VIT: variants seen among roughly 807,000 people sequenced by gnomAD.
The protein encoded by VIT is vitrin.
A neutral mutation model predicts 78.0 loss-of-function variants in VIT; 99 were observed. That is an observed-to-expected ratio of 1.27 (90% CI 1.08 to 1.50). The LOEUF is 1.50. Among genes scored for constraint, VIT ranks in the 40% most tolerant of loss-of-function variants. The pLI is 0.00. For missense variants in VIT, 1,126 were observed against 875.3 expected (o/e 1.29, Z -3.61); for synonymous variants, 374 against 334.3 (o/e 1.12, Z -1.29).
chr2:36,775,012 G>T lies in VIT; in HGVS notation c.747G>T (p.Arg249Ser), dbSNP rs1186587843. The change falls in exon 9 of 16, where the codon AGG becomes AGT. Residue 249 changes from arginine (R) to serine (S), a missense_variant. Coordinates refer to ENST00000379242, the MANE Select transcript of VIT (RefSeq NM_053276.4). ...GTGTAATCCCCTCAGGTATCCAAAG[G>T]CAAGATCCTTCAGGAGCTGCCTTCC... is the stretch of plus-strand genomic sequence containing the variant. ...NRPRADPGIQ[R>S]QDPSGAAFQK... is the part of the protein sequence containing the mutation. 2 of 1,614,150 alleles carry T rather than the reference G, an allele frequency of 1.2e-6. No homozygotes were observed. Among genetic ancestry groups the T allele is most frequent in the Non-Finnish European group, 1.7e-6 (2 of 1,180,020 alleles).
chr2:36,751,807 A>C (rs1668482047), intron 4 of VIT, among the ~76,000 whole-genome samples: 1 of 152,210 alleles, frequency 6.6e-6, no homozygotes, highest in African/African-American at 2.4e-5. Context: ...TGACTGATAT[A>C]GTGGAAAATC....
At chr2:36,786,601 C>A (rs767669731) in intron 11 of VIT, among the ~76,000 whole-genome samples, 1 of 152,202 alleles carries the variant, frequency 6.6e-6, no homozygotes, top group African/African-American at 2.4e-5. Flanking sequence ...TAGATAATTT[C>A]TTTGGTTCCC....
chr2:36,814,456 C>A lies in VIT; in HGVS notation c.*95C>A. On this transcript the variant is annotated 3_prime_UTR_variant, in exon 16 of 16. Transcript: ENST00000379242. Reference sequence around the variant, plus strand: ...ATGGGGCACGCACGGTGCATCAAGTCTTGGGCAGGGCATGGAGAAACAAAT... The same window carrying A: ...ATGGGGCACGCACGGTGCATCAAGTATTGGGCAGGGCATGGAGAAACAAAT... 1 of 1,426,412 alleles carries A rather than the reference C, an allele frequency of 7.0e-7. No homozygotes were observed. Among genetic ancestry groups the A allele is most frequent in the South Asian group, 1.4e-5 (1 of 72,496 alleles). 88.4% of individuals were successfully genotyped at this position (1,426,412 alleles called of 1,614,324 possible).
chr2:36,812,651 T>G (rs1040820549), intron 15 of VIT, among the ~76,000 whole-genome samples: 2 of 152,006 alleles, frequency 1.3e-5, no homozygotes, highest in African/African-American at 4.8e-5. Flanking sequence ...TCCCTATAAA[T>G]AAAACATTTT....
At chr2:36,722,851 A>C (rs1163731714) in intron 2 of VIT, among the ~76,000 whole-genome samples, 2 of 152,194 alleles carry the variant, frequency 1.3e-5, no homozygotes, top group Admixed American at 6.5e-5. Context: ...TAATCATGCC[A>C]ATAATTTTAG....
intron 1 of VIT, among the ~76,000 whole-genome samples, chr2:36,702,926 C>G (rs1449072403): frequency 1.3e-5 from 2 of 152,192 alleles, no homozygotes; most frequent in African/African-American, 4.8e-5. Context: ...TAAGCTCTGT[C>G]TGGCTGCTTT....
At chr2:36,792,536 C>T (rs111277759) in intron 12 of VIT, among the ~76,000 whole-genome samples, 263 of 152,276 alleles carry the variant, frequency 1.7e-3, no homozygotes, top group Non-Finnish European at 3.0e-3. Context: ...TCAGTCTCCC[C>T]GCAGAGAAGC....
chr2:36,793,396 T>C (rs1665641973), intron 12 of VIT, among the ~76,000 whole-genome samples: 1 of 152,208 alleles, frequency 6.6e-6, no homozygotes, highest in South Asian at 2.1e-4. Context: ...CCAGTTCCCA[T>C]TCATCGAGGG....
intron 12 of VIT, among the ~76,000 whole-genome samples, chr2:36,791,209 G>C (rs1161155436): frequency 1.3e-5 from 2 of 152,178 alleles, no homozygotes; most frequent in East Asian, 3.8e-4. Context: ...GGTTTAGTGA[G>C]TGGCTCTGAC....
chr2:36,791,272 G>T (rs901384673), intron 12 of VIT, among the ~76,000 whole-genome samples: 1 of 152,164 alleles, frequency 6.6e-6, no homozygotes, highest in Admixed American at 6.5e-5. Context: ...ACCTCAGCCC[G>T]TGGACTGAAG....
intron 3 of VIT, among the ~76,000 whole-genome samples, chr2:36,739,303 G>A (rs887196453): frequency 6.6e-6 from 1 of 152,172 alleles, no homozygotes; most frequent in Non-Finnish European, 1.5e-5. Flanking sequence ...GAAAAGATGA[G>A]TGGCAAAATA....
chr2:36,803,683 C>T (rs753125055), intron 13 of VIT, among the ~76,000 whole-genome samples: 5 of 152,272 alleles, frequency 3.3e-5, no homozygotes, highest in Non-Finnish European at 7.3e-5. Flanking sequence ...TATATGTAAC[C>T]ATTTGATGCT....
chr2:36,715,238 A>C (rs1666052811), intron 1 of VIT, among the ~76,000 whole-genome samples: 1 of 152,160 alleles, frequency 6.6e-6, no homozygotes, highest in African/African-American at 2.4e-5. Context: ...ATGAGTAAAC[A>C]CATTAAGATT....
chr2:36,709,804 G>A (rs968034453), intron 1 of VIT, among the ~76,000 whole-genome samples: 10 of 152,186 alleles, frequency 6.6e-5, no homozygotes, highest in African/African-American at 1.9e-4. Context: ...CAGGAGAATT[G>A]CAGTGAGGTG....
intron 6 of VIT, among the ~76,000 whole-genome samples, chr2:36,763,675 C>T (rs141781826): frequency 0.011 from 1,651 of 150,668 alleles, 55 homozygotes; most frequent in African/African-American, 0.038. Flanking sequence ...CCACAACCTC[C>T]GCCTCCCGGG....
At chr2:36,776,579 T>C (rs1670058724) in intron 9 of VIT, among the ~76,000 whole-genome samples, 1 of 151,922 alleles carries the variant, frequency 6.6e-6, no homozygotes, top group African/African-American at 2.4e-5. Flanking sequence ...GGCAGGTGGA[T>C]CATTTGAGCT....
At chr2:36,728,432 C>T (rs370434748) in intron 2 of VIT, among the ~76,000 whole-genome samples, 48 of 151,854 alleles carry the variant, frequency 3.2e-4, no homozygotes, top group Middle Eastern at 3.4e-3. Context: ...TTAAGCTAAG[C>T]GTTATTACAA....
chr2:36,704,377 G>C (rs906082333), intron 1 of VIT, among the ~76,000 whole-genome samples: 8 of 152,186 alleles, frequency 5.3e-5, no homozygotes, highest in African/African-American at 1.9e-4. Flanking sequence ...GTAAATGATA[G>C]TTATTACTAT....
chr2:36,801,190 A>T, intron 12 of VIT, 111 bp from the exon 13 acceptor site: 9 of 967,690 alleles, frequency 9.3e-6, no homozygotes, highest in Non-Finnish European at 1.5e-5. Flanking sequence ...GCATAGCAGA[A>T]GGCTTTGAAG....
Sources: allele counts gnomAD v4.1 joint callset (sites outside exome capture counted in the v4.1 genomes callset), GRCh38; gene constraint gnomAD v4.1.1; transcripts MANE v1.5; gene names NCBI Gene and HGNC (gene_info 2026-07-23, HGNC 2026-07-21).